MYCN: variants seen among roughly 807,000 people sequenced by gnomAD.
MYCN encodes the protein MYCN proto-oncogene, bHLH transcription factor.
Under a neutral mutation model 28.1 loss-of-function variants are expected in MYCN, and 3 were observed. The ratio of observed to expected loss-of-function variants is 0.11; its 90% confidence interval spans 0.05 to 0.28. The LOEUF (loss-of-function observed/expected upper bound fraction) is 0.28, where lower values mean the gene tolerates loss of function less well. MYCN is among the 10% of genes least tolerant of loss of function. The pLI is 1.00. For synonymous variants in MYCN, 326 were observed against 288.3 expected (o/e 1.13, Z -1.32); for missense variants, 572 against 651.4 (o/e 0.88, Z 1.33).
rs1662688617 is a variant in MYCN at position 15,941,922 on chromosome 2, C to T, written c.-117-26C>T. On this transcript the variant is annotated intron_variant, in intron 1 of 2. Transcript: ENST00000281043. This position sits in a 1 kb window ranked among gnomAD's most constrained non-coding sequence, Gnocchi z 4.8. Reference sequence around the variant, plus strand: ...CCTCGGTCTGCCCCGTTTGCCCACCCTCTCCGGTGTGTCTGTCGGTTGCAG... The same window carrying T: ...CCTCGGTCTGCCCCGTTTGCCCACCTTCTCCGGTGTGTCTGTCGGTTGCAG... The T allele has an allele frequency of 9.5e-7, 1 of 1,053,388 alleles. No homozygotes were observed. Among genetic ancestry groups the T allele is most frequent in the Non-Finnish European group, 1.4e-6 (1 of 717,926 alleles). The allele number at this position is 1,053,388 out of a possible 1,614,324, so 65.3% of individuals were successfully genotyped here. A position where few individuals can be genotyped will look rare whatever the true frequency, so the allele number is the denominator to read the frequency against.
At chr2:15,940,944 G>C (rs1662631909) in intron 1 of MYCN, 1 of 395,734 alleles carries the variant, frequency 2.5e-6, no homozygotes, top group African/African-American at 2.1e-5. Flanking sequence ...GGCTAGAGGA[G>C]ACCCGCCCTA....
chr2:15,942,571 C>G lies in MYCN; in HGVS notation c.507C>G (p.Gly169=), dbSNP rs753031171. The change falls in exon 2 of 3, where the codon GGC becomes GGG. Residue 169 remains glycine, a synonymous_variant. Transcript: ENST00000281043. The surrounding 1 kb of genome is among the most constrained non-coding windows in gnomAD (Gnocchi z 7.0). The part of the protein sequence containing the change: ...GRGHGGAAGA[G]RAGAALPAEL... Reference sequence around the variant, plus strand: ...GGCACGGCGGGGCTGCGGGAGCCGGCCGCGCCGGGGCCGCCCTGCCCGCCG... The same window carrying G: ...GGCACGGCGGGGCTGCGGGAGCCGGGCGCGCCGGGGCCGCCCTGCCCGCCG... The G allele has an allele frequency of 1.8e-6, 2 of 1,091,582 alleles. No homozygotes were observed. Among genetic ancestry groups the G allele is most frequent in the Non-Finnish European group, 2.2e-6 (2 of 900,942 alleles). 67.6% of individuals were successfully genotyped at this position (1,091,582 alleles called of 1,614,324 possible). A position where few individuals can be genotyped will look rare whatever the true frequency, so the allele number is the denominator to read the frequency against.
At position 15,941,798 on chromosome 2, in the gene MYCN, G is replaced by A. The variant is rs1005175657; in HGVS notation, c.-117-150G>A. 1.5e-5 allele frequency: 9 copies of A among 583,578 alleles called. No individual in the cohort carries two copies. Among genetic ancestry groups the A allele is most frequent in the Non-Finnish European group, 2.8e-5 (9 of 326,224 alleles). The allele number at this position is 583,578 out of a possible 1,614,324, so 36.1% of individuals were successfully genotyped here. A position where few individuals can be genotyped will look rare whatever the true frequency, so the allele number is the denominator to read the frequency against. On this transcript the variant is annotated intron_variant, in intron 1 of 2. Coordinates refer to ENST00000281043, the MANE Select transcript of MYCN (RefSeq NM_005378.6). The surrounding 1 kb of genome is among the most constrained non-coding windows in gnomAD (Gnocchi z 4.8). ...AAGGAGGGCGGGAGGGAGGGAGCGA[G>A]AGGCACAACTTCCTCCACCTTCGGG... is the stretch of plus-strand genomic sequence containing the variant.
At position 15,946,560 on chromosome 2, in the gene MYCN, G is replaced by A. The variant is rs763210834; in HGVS notation, c.*463G>A. 1 of 337,578 alleles carries A rather than the reference G, an allele frequency of 3.0e-6. No individual in the cohort carries two copies. The highest frequency in any genetic ancestry group is 4.5e-5 in the Admixed American group (1 of 22,062). The allele number at this position is 337,578 out of a possible 1,614,324, so 20.9% of individuals were successfully genotyped here. On this transcript the variant is annotated 3_prime_UTR_variant, in exon 3 of 3. Transcript: ENST00000281043. Reference sequence around the variant, plus strand: ...CTGGGTAATGAGAGGTGGCTTTTGCGGCCAGTATTAGACTGGAAGTTCATA... The same window carrying A: ...CTGGGTAATGAGAGGTGGCTTTTGCAGCCAGTATTAGACTGGAAGTTCATA...
At position 15,945,595 on chromosome 2, in the gene MYCN, C is replaced by T. The variant is rs1662842560; in HGVS notation, c.893C>T (p.Thr298Ile). The change falls in exon 3 of 3, where the codon ACC (threonine) becomes ATC (isoleucine). Residue 298 changes from threonine (T) to isoleucine (I), a missense_variant. Thr to Ile is a moderately conservative substitution (Grantham distance 89, BLOSUM62 -1). Transcript: ENST00000281043. The surrounding 1 kb of genome is among the most constrained non-coding windows in gnomAD (Gnocchi z 4.8). ...SSNTKAVTTF[T>I]ITVRPKNAAL... ...AACACCAAGGCTGTCACCACATTCA[C>T]CATCACTGTGCGTCCCAAGAACGCA... 1 of 1,614,134 alleles carries T rather than the reference C, an allele frequency of 6.2e-7. No homozygotes were observed. The highest frequency in any genetic ancestry group is 8.5e-7 in the Non-Finnish European group (1 of 1,180,014).
Position 15,945,944 on chromosome 2 carries a change from T to C in MYCN, c.1242T>C (p.Asn414=). The change falls in exon 3 of 3, where the codon AAT becomes AAC. Residue 414 remains asparagine (N), a synonymous_variant. Coordinates refer to ENST00000281043, the MANE Select transcript of MYCN (RefSeq NM_005378.6). This position sits in a 1 kb window ranked among gnomAD's most constrained non-coding sequence, Gnocchi z 4.8. ...LRDHVPELVK[N]EKAAKVVILK... Reference sequence around the variant, plus strand: ...ACCACGTGCCGGAGTTGGTAAAGAATGAGAAGGCCGCCAAGGTGGTCATTT... The same window carrying C: ...ACCACGTGCCGGAGTTGGTAAAGAACGAGAAGGCCGCCAAGGTGGTCATTT... The C allele has an allele frequency of 6.2e-7, 1 of 1,614,074 alleles. No homozygotes were observed. Among genetic ancestry groups the C allele is most frequent in the South Asian group, 1.1e-5 (1 of 91,086 alleles).
In MYCN at chr2:15,942,775, G is replaced by A. The variant is rs1417168626; in HGVS notation, c.711G>A (p.Pro237=). Residue 237 remains proline, a synonymous_variant, in exon 2 of 3, where the codon CCG becomes CCA. Transcript: ENST00000281043. This position sits in a 1 kb window ranked among gnomAD's most constrained non-coding sequence, Gnocchi z 7.0. ...APAGAPGVAP[P]RPGGRQTSGG... is the part of the protein sequence containing the mutation. ...CCGGGGCCCCGGGGGTCGCCCCTCC[G>A]CGCCCAGGCGGCCGCCAGACCAGCG... 4 of 1,464,840 alleles carry A rather than the reference G, an allele frequency of 2.7e-6. No individual in the cohort carries two copies. The highest frequency in any genetic ancestry group is 3.6e-6 in the Non-Finnish European group (4 of 1,109,582). The allele number at this position is 1,464,840 out of a possible 1,614,324, so 90.7% of individuals were successfully genotyped here. A position where few individuals can be genotyped will look rare whatever the true frequency, so the allele number is the denominator to read the frequency against.
chr2:15,942,844 G>T lies in MYCN; in HGVS notation c.780G>T (p.Leu260=). ...KALSTSGEDT[L]SDSDDEDDEE... ...TCAGTACCTCCGGAGAGGACACCCT[G>T]AGCGATTCAGGTAAAGACCGAACTC... Residue 260 remains leucine (L), a synonymous_variant, in exon 2 of 3, where the codon CTG becomes CTT. Coordinates refer to ENST00000281043, the MANE Select transcript of MYCN (RefSeq NM_005378.6). This position sits in a 1 kb window ranked among gnomAD's most constrained non-coding sequence, Gnocchi z 7.0. The T allele has an allele frequency of 6.3e-7, 1 of 1,585,928 alleles. No individual in the cohort carries two copies. Among genetic ancestry groups the T allele is most frequent in the South Asian group, 1.1e-5 (1 of 89,068 alleles).
Position 15,942,364 on chromosome 2 carries a change from G to A in MYCN, c.300G>A (p.Gly100=). The A allele has an allele frequency of 6.2e-7, 1 of 1,606,868 alleles. No individual in the cohort carries two copies. The highest frequency in any genetic ancestry group is 8.5e-7 in the Non-Finnish European group (1 of 1,177,934). ...SPAEEDAFGL[G]GLGGLTPNPV... ...CCGAGGAGGACGCGTTCGGCCTGGG[G>A]GGACTGGGTGGCCTCACCCCCAACC... The change falls in exon 2 of 3, where the codon GGG becomes GGA. Residue 100 remains glycine (G), a synonymous_variant. Transcript: ENST00000281043. This position sits in a 1 kb window ranked among gnomAD's most constrained non-coding sequence, Gnocchi z 7.0.
At position 15,941,588 on chromosome 2, in the gene MYCN, A is replaced by G. The variant is rs1198814236; in HGVS notation, c.-117-360A>G. The G allele has an allele frequency of 1.3e-5, 3 of 224,100 alleles. No homozygotes were observed. The highest frequency in any genetic ancestry group is 2.3e-5 in the African/African-American group (1 of 43,650). 13.9% of individuals were successfully genotyped at this position (224,100 alleles called of 1,614,324 possible). A position where few individuals can be genotyped will look rare whatever the true frequency, so the allele number is the denominator to read the frequency against. On this transcript the variant is annotated intron_variant, in intron 1 of 2. Coordinates refer to ENST00000281043, the MANE Select transcript of MYCN (RefSeq NM_005378.6). This position sits in a 1 kb window ranked among gnomAD's most constrained non-coding sequence, Gnocchi z 4.8. Reference sequence around the variant, plus strand: ...GCTTCCCCTGAGCAGCCGGCCCCACACCGCTGCGAGTGCGGTTGTCTGCGT... The same window carrying G: ...GCTTCCCCTGAGCAGCCGGCCCCACGCCGCTGCGAGTGCGGTTGTCTGCGT...
In MYCN at chr2:15,940,590, C is replaced by CG. The variant is rs1465456856; in HGVS notation, c.-265dup. On this transcript the variant is annotated 5_prime_UTR_variant, in exon 1 of 3. It introduces an in-frame stop codon into an upstream open reading frame of the 5' UTR. Coordinates refer to ENST00000281043, the MANE Select transcript of MYCN (RefSeq NM_005378.6). The stretch of plus-strand genomic sequence containing the variant: ...TCTGTCTGGACGCGCTGGGTGGATG[C>CG]GGGGGGCTCCTGGGAACTGTGTTGG... 3 of 400,200 alleles carry CG rather than the reference C, an allele frequency of 7.5e-6. No individual in the cohort carries two copies. The highest frequency in any genetic ancestry group is 1.3e-5 in the Non-Finnish European group (3 of 226,264). 24.8% of individuals were successfully genotyped at this position (400,200 alleles called of 1,614,324 possible).
Position 15,946,334 on chromosome 2 carries a change from T to G in MYCN, c.*237T>G. ...CTCCACCTCACCTCCATGACAGCGC[T>G]AAACGTTGGTGACGGTTGGGAGCCT... On this transcript the variant is annotated 3_prime_UTR_variant, in exon 3 of 3. Transcript: ENST00000281043. The G allele has an allele frequency of 5.2e-6, 3 of 578,830 alleles. No homozygotes were observed. Among genetic ancestry groups the G allele is most frequent in the East Asian group, 3.0e-5 (1 of 33,210 alleles). 35.9% of individuals were successfully genotyped at this position (578,830 alleles called of 1,614,324 possible).
rs1406392503 is a variant in MYCN, at chr2:15,941,486, C to T, written c.-117-462C>T. On this transcript the variant is annotated intron_variant, in intron 1 of 2. Coordinates refer to ENST00000281043, the MANE Select transcript of MYCN (RefSeq NM_005378.6). The surrounding 1 kb of genome is among the most constrained non-coding windows in gnomAD (Gnocchi z 4.8). Reference sequence around the variant, plus strand: ...TAAATCCCCTGCTATCATTTGCACTCCTGAGGTTGCATTTTTACAAAGGGG... The same window carrying T: ...TAAATCCCCTGCTATCATTTGCACTTCTGAGGTTGCATTTTTACAAAGGGG... 1 of 160,702 alleles carries T rather than the reference C, an allele frequency of 6.2e-6. No individual in the cohort carries two copies. Among genetic ancestry groups the T allele is most frequent in the Non-Finnish European group, 1.4e-5 (1 of 73,162 alleles). 10.0% of individuals were successfully genotyped at this position (160,702 alleles called of 1,614,324 possible). A position where few individuals can be genotyped will look rare whatever the true frequency, so the allele number is the denominator to read the frequency against.
chr2:15,941,416 T>G lies in MYCN; in HGVS notation c.-117-532T>G, dbSNP rs1558532886. 1 of 153,144 alleles carries G rather than the reference T, an allele frequency of 6.5e-6. No homozygotes were observed. The highest frequency in any genetic ancestry group is 1.5e-5 in the Non-Finnish European group (1 of 68,756). The allele number at this position is 153,144 out of a possible 1,614,324, so 9.5% of individuals were successfully genotyped here. ...ATTTGTGGATATGGGTGTCTGTTGT[T>G]GGTCTCTGTCTAGAGAAAGGCTTTT... On this transcript the variant is annotated intron_variant, in intron 1 of 2. Transcript: ENST00000281043. This position sits in a 1 kb window ranked among gnomAD's most constrained non-coding sequence, Gnocchi z 4.8.
chr2:15,942,087 C>T lies in MYCN; in HGVS notation c.23C>T (p.Thr8Ile), dbSNP rs371517719. The T allele has an allele frequency of 6.2e-6, 10 of 1,613,724 alleles. No individual in the cohort carries two copies. The African/African-American group carries it at 1.2e-4, about 19-fold the overall frequency. The change falls in exon 2 of 3, where the codon ACC becomes ATC. Residue 8 changes from threonine to isoleucine, a missense_variant. Transcript: ENST00000281043. The surrounding 1 kb of genome is among the most constrained non-coding windows in gnomAD (Gnocchi z 7.0). MPSCSTS[T>I]MPGMICKNPD... ...CCGATGCCGAGCTGCTCCACGTCCACCATGCCGGGCATGATCTGCAAGAAC... is the reference window on the plus strand; with the variant it reads ...CCGATGCCGAGCTGCTCCACGTCCATCATGCCGGGCATGATCTGCAAGAAC...
rs1662674909 is a variant in MYCN, at chr2:15,941,646, C to T, written c.-117-302C>T. 6.9e-6 allele frequency: 2 copies of T among 288,304 alleles called. No homozygotes were observed. Among genetic ancestry groups the T allele is most frequent in the South Asian group, 5.0e-5 (1 of 20,014 alleles). The allele number at this position is 288,304 out of a possible 1,614,324, so 17.9% of individuals were successfully genotyped here. A position where few individuals can be genotyped will look rare whatever the true frequency, so the allele number is the denominator to read the frequency against. ...AGAGCTAGAATTCTGCAGCCAGGAA[C>T]AGCCCCCTCCCCCAGGCAGTGCCTT... On this transcript the variant is annotated intron_variant, in intron 1 of 2. Coordinates refer to ENST00000281043, the MANE Select transcript of MYCN (RefSeq NM_005378.6). This position sits in a 1 kb window ranked among gnomAD's most constrained non-coding sequence, Gnocchi z 4.8.
At position 15,945,289 on chromosome 2, in the gene MYCN, C is replaced by A. The variant is rs925825680; in HGVS notation, c.791-204C>A. Among the ~76,000 whole-genome samples, 1 of 152,000 alleles carries A rather than the reference C, an allele frequency of 6.6e-6. No individual in the cohort carries two copies. Among genetic ancestry groups the A allele is most frequent in the Admixed American group, 6.6e-5 (1 of 15,258 alleles). On this transcript the variant is annotated intron_variant, in intron 2 of 2. Transcript: ENST00000281043. The surrounding 1 kb of genome is among the most constrained non-coding windows in gnomAD (Gnocchi z 4.8). ...TGCTGGGATTACAGGTGTGAGTCAC[C>A]GCGTCCGGCCTACAGATATATTTAA...
In MYCN at chr2:15,946,070, G is replaced by T. The variant is rs774239290; in HGVS notation, c.1368G>T (p.Lys456Asn). The change falls in exon 3 of 3, where the codon AAG (lysine) becomes AAT (asparagine). Residue 456 changes from lysine to asparagine, a missense_variant. Coordinates refer to ENST00000281043, the MANE Select transcript of MYCN (RefSeq NM_005378.6). ...AGGCAAGACAGCAGCAGTTGCTAAA[G>T]AAAATTGAACACGCTCGGACTTGCT... ...KLQARQQQLL[K>N]KIEHARTC The T allele has an allele frequency of 1.2e-6, 2 of 1,614,250 alleles. No homozygotes were observed. Among genetic ancestry groups the T allele is most frequent in the Admixed American group, 3.3e-5 (2 of 60,030 alleles).
At position 15,945,986 on chromosome 2, in the gene MYCN, G is replaced by A. The variant is rs758901107; in HGVS notation, c.1284G>A (p.Glu428=). The change falls in exon 3 of 3, where the codon GAG becomes GAA. Residue 428 remains glutamate, a synonymous_variant. Transcript: ENST00000281043. This position sits in a 1 kb window ranked among gnomAD's most constrained non-coding sequence, Gnocchi z 4.8. ...AKVVILKKAT[E]YVHSLQAEEH... ...TGGTCATTTTGAAAAAGGCCACTGAGTATGTCCACTCCCTCCAGGCCGAGG... is the reference window on the plus strand; with the variant it reads ...TGGTCATTTTGAAAAAGGCCACTGAATATGTCCACTCCCTCCAGGCCGAGG... 19 of 1,614,076 alleles carry A rather than the reference G, an allele frequency of 1.2e-5. No individual in the cohort carries two copies. The highest frequency in any genetic ancestry group is 6.7e-5 in the Admixed American group (4 of 60,008).
Sources: gnomAD v4.1 joint callset for allele counts (sites outside exome capture counted in the v4.1 genomes callset) on GRCh38, gnomAD v4.1.1 for gene constraint, Gnocchi (gnomAD v3.1) non-coding constraint, MANE v1.5 for transcripts, NCBI Gene and HGNC (gene_info 2026-07-23, HGNC 2026-07-21) for gene names.